PTPRK: variants seen among roughly 807,000 people sequenced by gnomAD.
PTPRK encodes protein tyrosine phosphatase receptor type K, also known as receptor-type tyrosine-protein phosphatase kappa.
PTPRK carries 75 observed loss-of-function variants against 178.0 expected under a neutral mutation model. The ratio of observed to expected loss-of-function variants is 0.42; its 90% CI spans 0.35 to 0.51. The LOEUF is 0.51. Ranked by LOEUF, PTPRK falls within the 20% of genes least tolerant of loss-of-function variation. PTPRK has a pLI of 0.02. For missense variants in PTPRK, 1,441 were observed against 1,797.8 expected (o/e 0.80, Z 3.59); for synonymous variants, 637 against 620.6 (o/e 1.03, Z -0.39).
intron 1 of PTPRK, among the ~76,000 whole-genome samples, chr6:128,502,891 C>A (rs189933891): frequency 7.2e-5 from 11 of 152,176 alleles, no homozygotes; most frequent in African/African-American, 2.6e-4. Context: ...TTGAATTCAG[C>A]CATGGTGGTA....
chr6:128,021,461 C>G (rs994893952), intron 13 of PTPRK, among the ~76,000 whole-genome samples: 5 of 152,028 alleles, frequency 3.3e-5, no homozygotes, highest in South Asian at 2.1e-4. Flanking sequence ...ACGGTGAAAC[C>G]CTGTCTCTAC....
At chr6:128,492,208 A>G (rs1322020012) in intron 1 of PTPRK, among the ~76,000 whole-genome samples, 1 of 152,134 alleles carries the variant, frequency 6.6e-6, no homozygotes, top group Non-Finnish European at 1.5e-5. Flanking sequence ...TGCCTTCTCT[A>G]TCAAGAAAAC....
At position 128,127,303 on chromosome 6, in the gene PTPRK, A is replaced by G. The variant is rs574049302; in HGVS notation, c.1163-37311T>C. ...TTTTGCCTTTCTACATAAACTTTAG[A>G]ATTGGTTTATTGATTATCTACAAAA... On this transcript the variant is annotated intron_variant, in intron 7 of 29. Transcript: ENST00000368226. Among the ~76,000 whole-genome samples the G allele has an allele frequency of 2.4e-3, 363 of 152,254 alleles. 1 individual carries two copies. In the Middle Eastern group the frequency reaches 0.037, roughly 16 times the overall value.
At chr6:128,412,924 A>G (rs1470879920) in intron 1 of PTPRK, among the ~76,000 whole-genome samples, 1 of 152,172 alleles carries the variant, frequency 6.6e-6, no homozygotes, top group Non-Finnish European at 1.5e-5. Context: ...TCTACTCTAC[A>G]TGCCCACACT....
chr6:128,493,432 G>C (rs1406364878), intron 1 of PTPRK, among the ~76,000 whole-genome samples: 1 of 151,814 alleles, frequency 6.6e-6, no homozygotes, highest in Non-Finnish European at 1.5e-5. Flanking sequence ...CATGGTGGCA[G>C]GCGCCTGTAG....
intron 2 of PTPRK, among the ~76,000 whole-genome samples, chr6:128,364,189 T>TA (rs1189814548): frequency 2.0e-5 from 3 of 152,094 alleles, no homozygotes; most frequent in African/African-American, 4.8e-5. Context: ...AACTTTTTTT[T>TA]ATCCCTGTGA....
chr6:128,074,033 C>G (rs1783318583), intron 11 of PTPRK, among the ~76,000 whole-genome samples: 1 of 152,008 alleles, frequency 6.6e-6, no homozygotes, highest in Non-Finnish European at 1.5e-5. Context: ...CCCTAACATA[C>G]ATTTGTCTGT....
chr6:128,176,267 A>C (rs1801060783), intron 7 of PTPRK, among the ~76,000 whole-genome samples: 2 of 151,936 alleles, frequency 1.3e-5, no homozygotes, highest in Non-Finnish European at 2.9e-5. Flanking sequence ...ATAACAGGAC[A>C]GAATATAGCA....
At chr6:128,292,922 C>A (rs532345023) in intron 3 of PTPRK, among the ~76,000 whole-genome samples, 2 of 151,616 alleles carry the variant, frequency 1.3e-5, no homozygotes, top group Admixed American at 6.6e-5. Context: ...CCATCAATAA[C>A]CTTTGTTAAA....
chr6:128,371,887 A>T (rs888534608), intron 2 of PTPRK, among the ~76,000 whole-genome samples: 2 of 151,970 alleles, frequency 1.3e-5, no homozygotes, highest in Non-Finnish European at 2.9e-5. Context: ...AAAAAAAAAA[A>T]AAAGAGAGAG....
intron 1 of PTPRK, among the ~76,000 whole-genome samples, chr6:128,411,433 GA>G (rs757652335): frequency 2.0e-5 from 3 of 152,186 alleles, no homozygotes; most frequent in South Asian, 2.1e-4. Flanking sequence ...TTTTCCCAGA[GA>G]GAAAGTAGGT....
chr6:127,999,528 G>A (rs528911413), intron 15 of PTPRK, among the ~76,000 whole-genome samples: 1 of 152,096 alleles, frequency 6.6e-6, no homozygotes, highest in Non-Finnish European at 1.5e-5. Flanking sequence ...TACTGTTATT[G>A]TTTTTATTGC....
intron 1 of PTPRK, among the ~76,000 whole-genome samples, chr6:128,513,460 G>A (rs1857460794): frequency 6.8e-6 from 1 of 148,020 alleles, no homozygotes; most frequent in Admixed American, 6.7e-5. Flanking sequence ...TCCAGCTTGG[G>A]TGACAGGGCA....
At chr6:128,336,435 A>T (rs1423863259) in intron 2 of PTPRK, among the ~76,000 whole-genome samples, 3 of 152,164 alleles carry the variant, frequency 2.0e-5, no homozygotes, top group African/African-American at 7.2e-5. Context: ...ACAATCAAGC[A>T]CAGATGTCCT....
chr6:128,255,313 GGA>G (rs1206455268), intron 3 of PTPRK, among the ~76,000 whole-genome samples: 1 of 152,122 alleles, frequency 6.6e-6, no homozygotes, highest in African/African-American at 2.4e-5. Context: ...AAGGATAGAT[GGA>G]GAGAGATAAA....
chr6:128,258,889 C>T (rs556102725), intron 3 of PTPRK, among the ~76,000 whole-genome samples: 65 of 152,210 alleles, frequency 4.3e-4, no homozygotes, highest in African/African-American at 1.5e-3. Flanking sequence ...AGGCAGAGAG[C>T]AGAAGACAAT....
At chr6:128,256,395 T>C (rs1817313632) in intron 3 of PTPRK, among the ~76,000 whole-genome samples, 1 of 151,820 alleles carries the variant, frequency 6.6e-6, no homozygotes, top group South Asian at 2.1e-4. Context: ...CTATGACATA[T>C]GTAGAGCAAT....
At chr6:128,198,578 A>G (rs1165910539) in intron 6 of PTPRK, among the ~76,000 whole-genome samples, 1 of 152,170 alleles carries the variant, frequency 6.6e-6, no homozygotes, top group Non-Finnish European at 1.5e-5. Flanking sequence ...CCTATGTAAC[A>G]AAACTGCACA....
At chr6:128,116,055 T>C (rs546812841) in intron 7 of PTPRK, among the ~76,000 whole-genome samples, 4 of 152,240 alleles carry the variant, frequency 2.6e-5, no homozygotes, top group African/African-American at 9.6e-5. Flanking sequence ...AATCACAGCT[T>C]ATCTCAATCA....
Sources: allele counts gnomAD v4.1 joint callset (sites outside exome capture counted in the v4.1 genomes callset), GRCh38; gene constraint gnomAD v4.1.1; transcripts MANE v1.5; gene names NCBI Gene and HGNC (gene_info 2026-07-23, HGNC 2026-07-21).